Variants in OAS2 observed in about 807,000 individuals in gnomAD.
The protein encoded by OAS2 is 2'-5'-oligoadenylate synthase 2.
Under a neutral mutation model 71.3 loss-of-function variants are expected in OAS2, and 67 were observed. That is an observed-to-expected ratio of 0.94 (90% confidence interval 0.77 to 1.15). The LOEUF is 1.15. Among genes scored for constraint, OAS2 ranks in the 50% most tolerant of loss-of-function variants. OAS2 has a pLI of 0.00. For synonymous variants in OAS2, 327 were observed against 321.8 expected (o/e 1.02, Z -0.17); for missense variants, 789 against 822.5 (o/e 0.96, Z 0.50).
At chr12:112,993,595 T>C (rs1273544171) in intron 2 of OAS2, among the ~76,000 whole-genome samples, 1 of 151,962 alleles carries the variant, frequency 6.6e-6, no homozygotes, top group Non-Finnish European at 1.5e-5. Context: ...TAAATGTGTT[T>C]ATGGGCCAGG....
At chr12:112,988,341 C>A in intron 2 of OAS2, 3 of 499,670 alleles carry the variant, frequency 6.0e-6, no homozygotes, top group Non-Finnish European at 7.8e-6. Context: ...TTGAACACAG[C>A]CACGTGGTGG....
chr12:113,011,036 T>C lies in OAS2; in HGVS notation c.*1781T>C, dbSNP rs1313219378. 9.6e-6 allele frequency: 1 copy of C among 104,314 alleles called. No individual in the cohort carries two copies. Among genetic ancestry groups the C allele is most frequent in the African/African-American group, 4.8e-5 (1 of 20,742 alleles). The allele number at this position is 104,314 out of a possible 1,614,324, so 6.5% of individuals were successfully genotyped here. ...TTATATGAGGCTGTTGTCTTTTCCTTCTGAGCCTGCCTTTCTCCCCCCCAC... is the reference window on the plus strand; with the variant it reads ...TTATATGAGGCTGTTGTCTTTTCCTCCTGAGCCTGCCTTTCTCCCCCCCAC... On this transcript the variant is annotated 3_prime_UTR_variant, in exon 10 of 10. Coordinates refer to ENST00000392583, the MANE Select transcript of OAS2 (RefSeq NM_002535.3).
chr12:112,990,762 C>T (rs2044184106), intron 2 of OAS2, among the ~76,000 whole-genome samples: 1 of 152,152 alleles, frequency 6.6e-6, no homozygotes, highest in Admixed American at 6.5e-5. Flanking sequence ...TGTCATACTG[C>T]TACAAAGAGT....
intron 2 of OAS2, chr12:112,988,848 A>G: frequency 1.9e-6 from 1 of 527,838 alleles, no homozygotes; most frequent in African/African-American, 2.1e-5. Context: ...AGATCCAAGA[A>G]CCCTCTCTTG....
At chr12:112,991,411 A>G (rs756151153) in intron 2 of OAS2, among the ~76,000 whole-genome samples, 1 of 152,280 alleles carries the variant, frequency 6.6e-6, no homozygotes, top group Non-Finnish European at 1.5e-5. Context: ...ACACAGCCTC[A>G]GGAAGTCCTG....
At chr12:112,995,235 C>A in intron 2 of OAS2, 61 bp from the exon 3 acceptor site, 2 of 1,493,150 alleles carry the variant, frequency 1.3e-6, no homozygotes, top group South Asian at 1.3e-5. Flanking sequence ...TGTAGAGCAA[C>A]CCTGGCTCTC....
chr12:113,000,196 A>G (rs1250431947), intron 5 of OAS2, among the ~76,000 whole-genome samples: 1 of 152,182 alleles, frequency 6.6e-6, no homozygotes, highest in Non-Finnish European at 1.5e-5. Flanking sequence ...ACTAGGAGTC[A>G]TATATTATTG....
At chr12:113,002,635 G>T (rs1400960356) in intron 5 of OAS2, among the ~76,000 whole-genome samples, 1 of 152,196 alleles carries the variant, frequency 6.6e-6, no homozygotes. Flanking sequence ...TGGAAAAGGA[G>T]TTTGGAGTTA....
intron 3 of OAS2, among the ~76,000 whole-genome samples, chr12:112,997,238 A>G (rs1045316226): frequency 6.6e-6 from 1 of 151,960 alleles, no homozygotes; most frequent in African/African-American, 2.4e-5. Context: ...CAAGGCTAGT[A>G]AGGTGCCTGG....
chr12:112,992,382 T>G (rs1293677042), intron 2 of OAS2, among the ~76,000 whole-genome samples: 1 of 128,836 alleles, frequency 7.8e-6, no homozygotes, highest in African/African-American at 3.0e-5. Context: ...CGGAGCAAGA[T>G]CTTGTCAAAA....
rs892391905 is a variant in OAS2, at chr12:112,998,347, T to C, written c.945T>C (p.Ala315=). The C allele has an allele frequency of 6.2e-7, 1 of 1,609,884 alleles. No individual in the cohort carries two copies. Among genetic ancestry groups the C allele is most frequent in the Non-Finnish European group, 8.5e-7 (1 of 1,179,096 alleles). ...KICWQWLKKE[A]QTWLTSPNLD... ...GCTGGCAATGGCTGAAAAAAGAAGC[T>C]CAAACCTGGTTGACTTCTCCCAACC... Residue 315 remains alanine, a synonymous_variant, in exon 5 of 10, where the codon GCT becomes GCC. Coordinates refer to ENST00000392583, the MANE Select transcript of OAS2 (RefSeq NM_002535.3).
chr12:112,979,232 CA>C (rs1453627530), intron 1 of OAS2, among the ~76,000 whole-genome samples: 2 of 152,074 alleles, frequency 1.3e-5, no homozygotes, highest in African/African-American at 4.8e-5. Flanking sequence ...TGGCTTTTAT[CA>C]GTTAGAAATA....
intron 6 of OAS2, 110 bp downstream of exon 6, chr12:113,003,212 C>G (rs2136392350): frequency 8.3e-7 from 1 of 1,200,686 alleles, no homozygotes; most frequent in Middle Eastern, 2.0e-4. Context: ...CCTTCAGAAA[C>G]TTGAGGAAGG....
rs780563212 is a variant in OAS2, at chr12:112,978,631, T to C, written c.23T>C (p.Leu8Pro). Residue 8 changes from leucine (L) to proline (P), a missense_variant, in exon 1 of 10, where the codon CTG becomes CCG. Coordinates refer to ENST00000392583, the MANE Select transcript of OAS2 (RefSeq NM_002535.3). This position sits in a 1 kb window ranked among gnomAD's most constrained non-coding sequence, Gnocchi z 4.2. MGNGESQ[L>P]SSVPAQKLGW... is the part of the protein sequence containing the mutation. ...GCAATGGGAAATGGGGAGTCCCAGC[T>C]GTCCTCGGTGCCTGCTCAGAAGCTG... 6.2e-7 allele frequency: 1 copy of C among 1,614,108 alleles called. No homozygotes were observed. The highest frequency in any genetic ancestry group is 8.5e-7 in the Non-Finnish European group (1 of 1,179,996).
chr12:112,982,709 C>T (rs1333882584), intron 1 of OAS2, among the ~76,000 whole-genome samples: 1 of 152,052 alleles, frequency 6.6e-6, no homozygotes, highest in African/African-American at 2.4e-5. Flanking sequence ...GGAGTAATTC[C>T]CTCCTCTTCA....
Position 113,009,816 on chromosome 12 carries a change from C to T in OAS2, c.*561C>T, listed in dbSNP as rs1252479319. The stretch of plus-strand genomic sequence containing the variant: ...CAAAGATGACTGTGGACGTGGGTTG[C>T]ACTGGCCACCCAAGGATGTCTGCCA... On this transcript the variant is annotated 3_prime_UTR_variant, in exon 10 of 10. Transcript: ENST00000392583. 1.7e-5 allele frequency: 17 copies of T among 986,686 alleles called. No homozygotes were observed. Among genetic ancestry groups the T allele is most frequent in the Non-Finnish European group, 2.0e-5 (17 of 831,034 alleles). The allele number at this position is 986,686 out of a possible 1,614,324, so 61.1% of individuals were successfully genotyped here. A position where few individuals can be genotyped will look rare whatever the true frequency, so the allele number is the denominator to read the frequency against.
Position 112,998,371 on chromosome 12 carries a change from C to G in OAS2, c.969C>G (p.Asn323Lys), listed in dbSNP as rs1367997439. The G allele has an allele frequency of 1.2e-6, 2 of 1,611,280 alleles. No individual in the cohort carries two copies. The highest frequency in any genetic ancestry group is 1.3e-5 in the African/African-American group (1 of 74,746). Residue 323 changes from asparagine to lysine, a missense_variant, in exon 5 of 10, where the codon AAC becomes AAG. By Grantham distance (94) the Asn-to-Lys change is moderately conservative. Transcript: ENST00000392583. Reference sequence around the variant, plus strand: ...CTCAAACCTGGTTGACTTCTCCCAACCTGGATAATGAGTTACCTGCACCAT... The same window carrying G: ...CTCAAACCTGGTTGACTTCTCCCAAGCTGGATAATGAGTTACCTGCACCAT... Reference protein sequence around the residue: ...KEAQTWLTSPNLDNELPAPSW... With the variant: ...KEAQTWLTSPKLDNELPAPSW...
At chr12:112,990,242 G>A (rs1480311288) in intron 2 of OAS2, among the ~76,000 whole-genome samples, 2 of 152,188 alleles carry the variant, frequency 1.3e-5, no homozygotes, top group African/African-American at 2.4e-5. Flanking sequence ...TGTGCCCCAG[G>A]TGATTAGGTT....
intron 2 of OAS2, among the ~76,000 whole-genome samples, chr12:112,994,324 T>G (rs2044217514): frequency 6.6e-6 from 1 of 152,248 alleles, no homozygotes; most frequent in Non-Finnish European, 1.5e-5. Context: ...TTGGCAACAC[T>G]TGTTTCCGCC....
Sources: gnomAD v4.1 joint callset for allele counts (sites outside exome capture counted in the v4.1 genomes callset) on GRCh38, gnomAD v4.1.1 for gene constraint, Gnocchi (gnomAD v3.1) non-coding constraint, MANE v1.5 for transcripts, NCBI Gene and HGNC (gene_info 2026-07-23, HGNC 2026-07-21) for gene names.